Variants in PHTF2 observed in about 807,000 individuals in gnomAD.
PHTF2 encodes protein PHTF2.
A neutral mutation model predicts 101.2 loss-of-function variants in PHTF2; 60 were observed. The ratio of observed to expected loss-of-function variants is 0.59; its 90% CI spans 0.48 to 0.73. The LOEUF (loss-of-function observed/expected upper bound fraction) is 0.73. Among genes scored for constraint, PHTF2 ranks in the 30% least tolerant of loss-of-function variants. PHTF2 has a pLI of 0.00. For missense variants in PHTF2, 747 were observed against 908.7 expected, an observed-to-expected ratio of 0.82 and a Z score of 2.29; for synonymous variants, 311 against 307.3, an observed-to-expected ratio of 1.01 and a Z score of -0.13.
chr7:77,891,558 T>C (rs1800407414), intron 3 of PHTF2, among the ~76,000 whole-genome samples: 1 of 140,948 alleles, frequency 7.1e-6, no homozygotes, highest in African/African-American at 2.9e-5. Flanking sequence ...TATTTTAATT[T>C]TGGGGGTATA....
exon 20 of PHTF2, chr7:77,957,455 ACAGC>A (rs1053065312): frequency 6.6e-6 from 1 of 152,252 alleles, no homozygotes; most frequent in African/African-American, 2.4e-5. Context: ...GTTTTTGAAT[ACAGC>A]AAACTGGCTG....
intron 5 of PHTF2, among the ~76,000 whole-genome samples, chr7:77,898,115 A>G (rs1801046645): frequency 6.6e-6 from 1 of 152,138 alleles, no homozygotes; most frequent in Non-Finnish European, 1.5e-5. Flanking sequence ...TTTTAATAGA[A>G]TATAAAATTG....
At chr7:77,876,115 C>T (rs117967567) in intron 3 of PHTF2, among the ~76,000 whole-genome samples, 210 of 152,294 alleles carry the variant, frequency 1.4e-3, no homozygotes, top group African/African-American at 4.4e-3. Context: ...AGTGATTCCA[C>T]TCCCCACTTT....
At chr7:77,942,017 T>C (rs1805675612) in intron 15 of PHTF2, among the ~76,000 whole-genome samples, 1 of 152,172 alleles carries the variant, frequency 6.6e-6, no homozygotes, top group Admixed American at 6.5e-5. Context: ...ATTCCAACCA[T>C]TTTAGACTGC....
In PHTF2 at chr7:77,811,240, A is replaced by G. The variant is rs564672578; in HGVS notation, c.-36+12269A>G. ...TTTAGGCAGGAATACCACAGACATG[A>G]TGTTGTGTACTTTCCAGTGCATTAT... On this transcript the variant is annotated intron_variant, in intron 1 of 19. Transcript: ENST00000416283. Among the ~76,000 whole-genome samples the G allele has an allele frequency of 5.3e-5, 8 of 152,274 alleles. No individual in the cohort carries two copies. In the East Asian group the frequency reaches 1.2e-3, roughly 22 times the overall value.
intron 2 of PHTF2, among the ~76,000 whole-genome samples, chr7:77,847,974 G>C (rs955197859): frequency 6.6e-6 from 1 of 152,074 alleles, no homozygotes; most frequent in Non-Finnish European, 1.5e-5. Flanking sequence ...GTCTCTCTGT[G>C]CCTGGCTTAT....
chr7:77,926,851 C>CA (rs1804052833), intron 11 of PHTF2, among the ~76,000 whole-genome samples: 1 of 150,762 alleles, frequency 6.6e-6, no homozygotes, highest in African/African-American at 2.4e-5. Flanking sequence ...GTGGTACACG[C>CA]ATGTAGTCCT....
chr7:77,912,412 T>A (rs1182573893), intron 9 of PHTF2, among the ~76,000 whole-genome samples: 1 of 152,188 alleles, frequency 6.6e-6, no homozygotes, highest in Non-Finnish European at 1.5e-5. Context: ...ATTTTCTTCT[T>A]TCAGGCTTTG....
In PHTF2 at chr7:77,887,105, T is replaced by C. The variant is rs1013366522; in HGVS notation, c.148-6503T>C. ...AATATAAGGCAGAAAGGAAAAGTGC[T>C]GTTGTCTTTGGTACTTCTCAGAGGT... On this transcript the variant is annotated intron_variant, in intron 3 of 19. Coordinates refer to ENST00000416283, the Ensembl canonical transcript of PHTF2. Among the ~76,000 whole-genome samples, 6 of 151,692 alleles carry C rather than the reference T, an allele frequency of 4.0e-5. No individual in the cohort carries two copies. In the South Asian group the frequency reaches 1.2e-3, roughly 32 times the overall value.
At chr7:77,816,921 C>T (rs551121322) in intron 1 of PHTF2, among the ~76,000 whole-genome samples, 1 of 152,310 alleles carries the variant, frequency 6.6e-6, no homozygotes, top group Admixed American at 6.5e-5. Context: ...TATGGCAAAA[C>T]AGTATTCCAC....
intron 1 of PHTF2, among the ~76,000 whole-genome samples, chr7:77,817,585 C>T (rs781223930): frequency 9.5e-5 from 14 of 147,466 alleles, no homozygotes; most frequent in Non-Finnish European, 2.0e-4. Flanking sequence ...AGGGAAACCA[C>T]CCCAATGATT....
chr7:77,875,998 T>C (rs1798913681), intron 3 of PHTF2, among the ~76,000 whole-genome samples: 1 of 152,220 alleles, frequency 6.6e-6, no homozygotes, highest in Admixed American at 6.5e-5. Flanking sequence ...GCAACTACGG[T>C]TTAGAGAAGT....
chr7:77,939,118 T>G (rs192718508), intron 13 of PHTF2, among the ~76,000 whole-genome samples: 37 of 152,322 alleles, frequency 2.4e-4, no homozygotes, highest in African/African-American at 8.2e-4. Context: ...ACATGATAGT[T>G]AAGATCTCTT....
At chr7:77,859,410 T>C (rs560678385) in intron 3 of PHTF2, among the ~76,000 whole-genome samples, 4 of 152,264 alleles carry the variant, frequency 2.6e-5, no homozygotes, top group African/African-American at 4.8e-5. Flanking sequence ...AGTGAAGAAC[T>C]GAGTAAGAGA....
intron 2 of PHTF2, among the ~76,000 whole-genome samples, chr7:77,847,922 T>G (rs995457494): frequency 2.0e-5 from 3 of 152,204 alleles, no homozygotes; most frequent in Admixed American, 6.5e-5. Flanking sequence ...TCAATTCTTT[T>G]AATTTTTAGC....
intron 7 of PHTF2, among the ~76,000 whole-genome samples, chr7:77,906,863 G>A (rs1214171637): frequency 1.4e-5 from 2 of 146,962 alleles, no homozygotes; most frequent in African/African-American, 2.5e-5. Flanking sequence ...AGCCGAGATC[G>A]CACCACTGCA....
In PHTF2 at chr7:77,922,608, G is replaced by T; in HGVS notation, c.964-15G>T. On this transcript the variant is annotated splice_polypyrimidine_tract_variant and intron_variant, in intron 10 of 19. Coordinates refer to ENST00000416283, the Ensembl canonical transcript of PHTF2. ...AGAAATTACCTATAATCCTCTTTGT[G>T]TACTCCCAACTTAGGATACCCAAAG... 1.9e-6 allele frequency: 3 copies of T among 1,592,856 alleles called. No individual in the cohort carries two copies. Among genetic ancestry groups the T allele is most frequent in the Non-Finnish European group, 2.6e-6 (3 of 1,167,014 alleles).
intron 1 of PHTF2, among the ~76,000 whole-genome samples, chr7:77,816,370 T>G (rs995094018): frequency 6.6e-6 from 1 of 152,170 alleles, no homozygotes; most frequent in African/African-American, 2.4e-5. Flanking sequence ...CCACCATGCC[T>G]GACATGAAAT....
intron 18 of PHTF2, among the ~76,000 whole-genome samples, chr7:77,952,904 T>A (rs892864752): frequency 2.6e-5 from 4 of 152,146 alleles, no homozygotes; most frequent in African/African-American, 9.7e-5. Context: ...TTCATCCTCT[T>A]CTCTATTAGT....
Sources: gnomAD v4.1 joint callset for allele counts (sites outside exome capture counted in the v4.1 genomes callset) on GRCh38, gnomAD v4.1.1 for gene constraint, MANE v1.5 for transcripts, NCBI Gene and HGNC (gene_info 2026-07-23, HGNC 2026-07-21) for gene names.